Variants in DOCK3 observed in about 807,000 individuals in gnomAD.
DOCK3 encodes dedicator of cytokinesis 3.
DOCK3 carries 60 observed loss-of-function variants against 265.6 expected under a neutral mutation model. The observed-to-expected ratio is 0.23, with a 90% CI of 0.18 to 0.28. DOCK3 has a LOEUF of 0.28. DOCK3 is among the 10% of genes least tolerant of loss of function. The probability of loss-of-function intolerance (pLI) is 1.00; values close to 1 mark genes in which losing one functional copy is unlikely to be tolerated. For missense variants in DOCK3, 1,981 were observed against 2,594.3 expected (o/e 0.76, Z 5.14); for synonymous variants, 881 against 938.0 (o/e 0.94, Z 1.11).
In DOCK3 at chr3:51,245,093, C is replaced by T. The variant is rs58793071; in HGVS notation, c.2103-1633C>T. On this transcript the variant is annotated intron_variant, in intron 21 of 52. Coordinates refer to ENST00000266037, the MANE Select transcript of DOCK3 (RefSeq NM_004947.5). ...CCTGTAATCCCAGCACTTTGGGAGG[C>T]TGAGGCGGGTGGATCACTTGAGGCT... Among the ~76,000 whole-genome samples, 1,146 of 152,302 alleles carry T rather than the reference C, an allele frequency of 7.5e-3. 14 individuals are homozygous for T. The highest frequency in any genetic ancestry group is 0.026 in the African/African-American group (1,101 of 41,568).
At chr3:50,851,033 C>T (rs959960354) in intron 3 of DOCK3, among the ~76,000 whole-genome samples, 5 of 152,204 alleles carry the variant, frequency 3.3e-5, no homozygotes, top group African/African-American at 7.2e-5. Flanking sequence ...TATAGGTCCT[C>T]TAGTGCTGGC....
chr3:50,857,517 C>T (rs1287578881), intron 3 of DOCK3, among the ~76,000 whole-genome samples: 2 of 151,976 alleles, frequency 1.3e-5, no homozygotes, highest in South Asian at 2.1e-4. Flanking sequence ...AATGGGAGAA[C>T]ATTTTTGCAG....
At chr3:51,077,870 A>G (rs1437021937) in intron 7 of DOCK3, among the ~76,000 whole-genome samples, 1 of 152,310 alleles carries the variant, frequency 6.6e-6, no homozygotes, top group South Asian at 2.1e-4. Flanking sequence ...TCTAGGACTG[A>G]ATTAGATAAC....
intron 2 of DOCK3, among the ~76,000 whole-genome samples, chr3:50,817,043 C>T (rs956214199): frequency 3.3e-5 from 5 of 152,166 alleles, no homozygotes; most frequent in African/African-American, 1.2e-4. Flanking sequence ...GACTGAGCAG[C>T]CCAGAGAGCT....
At chr3:50,683,111 A>G (rs1370830996) in intron 1 of DOCK3, among the ~76,000 whole-genome samples, 7 of 152,330 alleles carry the variant, frequency 4.6e-5, no homozygotes, top group East Asian at 1.9e-4. Context: ...GAGACTTCTG[A>G]GGTGCCATTT....
At chr3:51,170,826 C>G (rs2086640282) in intron 12 of DOCK3, among the ~76,000 whole-genome samples, 1 of 151,704 alleles carries the variant, frequency 6.6e-6, no homozygotes, top group Admixed American at 6.6e-5. Context: ...ACCTGTAATC[C>G]CAGCTACTCG....
At chr3:50,688,999 C>T (rs761721633) in intron 1 of DOCK3, among the ~76,000 whole-genome samples, 3 of 152,092 alleles carry the variant, frequency 2.0e-5, no homozygotes, top group East Asian at 1.9e-4. Context: ...GTGGGCTATT[C>T]GAGGAGTAAA....
At chr3:50,864,231 C>A (rs2047040579) in intron 3 of DOCK3, among the ~76,000 whole-genome samples, 1 of 152,082 alleles carries the variant, frequency 6.6e-6, no homozygotes, top group Non-Finnish European at 1.5e-5. Flanking sequence ...GTTTAATATA[C>A]CTGTTGCCAT....
intron 51 of DOCK3, among the ~76,000 whole-genome samples, 162 bp from the exon 52 acceptor site, chr3:51,379,963 T>C (rs1271203236): frequency 6.6e-6 from 1 of 152,204 alleles, no homozygotes; most frequent in Non-Finnish European, 1.5e-5. Flanking sequence ...AGCCTGTGTT[T>C]TGGAGAAGGC....
At chr3:51,027,647 A>G (rs2079876074) in intron 5 of DOCK3, among the ~76,000 whole-genome samples, 1 of 152,090 alleles carries the variant, frequency 6.6e-6, no homozygotes, top group African/African-American at 2.4e-5. Flanking sequence ...TATATTTAGG[A>G]TAGTTAACTC....
intron 1 of DOCK3, among the ~76,000 whole-genome samples, chr3:50,696,665 A>G (rs761526450): frequency 3.3e-5 from 5 of 152,008 alleles, no homozygotes; most frequent in Non-Finnish European, 7.4e-5. Context: ...CCTTTAATTT[A>G]GTGATACTTT....
At chr3:50,769,627 A>G (rs775743426) in intron 1 of DOCK3, among the ~76,000 whole-genome samples, 2 of 151,912 alleles carry the variant, frequency 1.3e-5, no homozygotes, top group African/African-American at 2.4e-5. Flanking sequence ...CCTGGCCAAC[A>G]TGGTGAAACC....
chr3:50,687,050 A>G (rs1345780590), intron 1 of DOCK3, among the ~76,000 whole-genome samples: 1 of 151,636 alleles, frequency 6.6e-6, no homozygotes. Flanking sequence ...TCGCTACTAA[A>G]AATACAGAAA....
chr3:51,187,759 T>G (rs1350360000), intron 12 of DOCK3, among the ~76,000 whole-genome samples: 2 of 151,214 alleles, frequency 1.3e-5, no homozygotes, highest in Non-Finnish European at 2.9e-5. Context: ...AGCTTTTTTT[T>G]TTTTTTTTTT....
At chr3:50,719,688 A>G (rs1253761111) in intron 1 of DOCK3, 2 of 1,536,764 alleles carry the variant, frequency 1.3e-6, no homozygotes, top group South Asian at 1.1e-5. Context: ...CATGGACAAG[A>G]TGCCGGGACT....
intron 21 of DOCK3, among the ~76,000 whole-genome samples, chr3:51,243,089 C>T (rs149379941): frequency 1.3e-5 from 2 of 152,292 alleles, no homozygotes; most frequent in East Asian, 3.9e-4. Flanking sequence ...CAGGATAGAC[C>T]AGCCCCATCT....
At chr3:51,218,763 A>G (rs938959476) in intron 14 of DOCK3, among the ~76,000 whole-genome samples, 4 of 152,182 alleles carry the variant, frequency 2.6e-5, no homozygotes, top group African/African-American at 9.7e-5. Flanking sequence ...CTAATAGATG[A>G]CTAAGTTTTT....
At chr3:50,781,606 A>C (rs1057205844) in intron 2 of DOCK3, among the ~76,000 whole-genome samples, 1 of 151,858 alleles carries the variant, frequency 6.6e-6, no homozygotes, top group Non-Finnish European at 1.5e-5. Context: ...ATTTTTTTTA[A>C]TTTGAAATAT....
At chr3:51,194,580 T>C (rs1001061126) in intron 12 of DOCK3, among the ~76,000 whole-genome samples, 4 of 152,172 alleles carry the variant, frequency 2.6e-5, no homozygotes, top group Non-Finnish European at 1.5e-5. Context: ...TGAATCCAGG[T>C]GTTCCAATGT....
Sources: gnomAD v4.1 joint callset for allele counts (sites outside exome capture counted in the v4.1 genomes callset) on GRCh38, gnomAD v4.1.1 for gene constraint, MANE v1.5 for transcripts, NCBI Gene and HGNC (gene_info 2026-07-23, HGNC 2026-07-21) for gene names.